The following CCDC57 variants were observed in gnomAD, a reference collection of about 807,000 sequenced individuals.
CCDC57 encodes the protein coiled-coil domain-containing protein 57.
In CCDC57, 118 loss-of-function variants were observed where a neutral mutation model predicts 118.9. That is an observed-to-expected ratio of 0.99 (90% CI 0.86 to 1.16). The LOEUF is 1.16. Ranked by LOEUF, CCDC57 falls within the 50% of genes most tolerant of loss-of-function variation. The pLI, the probability that CCDC57 is intolerant of heterozygous loss-of-function variation, is 0.00. For missense variants in CCDC57, 1,300 were observed against 1,320.7 expected, an observed-to-expected ratio of 0.98 and a Z score of 0.24; for synonymous variants, 527 against 532.9, an observed-to-expected ratio of 0.99 and a Z score of 0.15.
chr17:82,196,610 C>T (rs1419504571), intron 4 of CCDC57, among the ~76,000 whole-genome samples: 2 of 152,330 alleles, frequency 1.3e-5, no homozygotes, highest in Non-Finnish European at 2.9e-5. Context: ...GACCCTGTCA[C>T]ACCTGCACAA....
At chr17:82,167,706 C>T (rs1485085915) in intron 13 of CCDC57, among the ~76,000 whole-genome samples, 6 of 151,980 alleles carry the variant, frequency 3.9e-5, no homozygotes, top group Non-Finnish European at 8.8e-5. Flanking sequence ...GTCTTGAACT[C>T]CTGACCTCAA....
chr17:82,206,082 G>A (rs959053958), intron 2 of CCDC57, among the ~76,000 whole-genome samples: 1 of 152,154 alleles, frequency 6.6e-6, no homozygotes, highest in African/African-American at 2.4e-5. Context: ...TGAAGCTTCC[G>A]GGTTGGGGAG....
At chr17:82,196,950 TCCTGCA>T (rs1290595450) in intron 4 of CCDC57, among the ~76,000 whole-genome samples, 1 of 84,870 alleles carries the variant, frequency 1.2e-5, no homozygotes, top group African/African-American at 4.9e-5. Flanking sequence ...CCCTCGTGAC[TCCTGCA>T]CCTGCAGAGA....
At chr17:82,191,253 C>T (rs1006217873) in intron 7 of CCDC57, among the ~76,000 whole-genome samples, 4 of 151,990 alleles carry the variant, frequency 2.6e-5, no homozygotes, top group East Asian at 1.9e-4. Flanking sequence ...GCTTCCGAAC[C>T]GGCGCCAGAT....
At chr17:82,126,062 A>G (rs1354309987) in intron 19 of CCDC57, among the ~76,000 whole-genome samples, 1 of 152,084 alleles carries the variant, frequency 6.6e-6, no homozygotes, top group Non-Finnish European at 1.5e-5. Context: ...GGGCGGATCA[A>G]CTGAGGTCAG....
chr17:82,183,426 C>A (rs2046448447), intron 9 of CCDC57, among the ~76,000 whole-genome samples: 1 of 152,120 alleles, frequency 6.6e-6, no homozygotes, highest in Non-Finnish European at 1.5e-5. Context: ...TTCCAGCAAT[C>A]CTCCTGCTTC....
intron 19 of CCDC57, among the ~76,000 whole-genome samples, chr17:82,121,443 A>T (rs1352584880): frequency 6.6e-6 from 1 of 152,152 alleles, no homozygotes; most frequent in Non-Finnish European, 1.5e-5. Flanking sequence ...CTCTGTTAAG[A>T]CAGGCGCCTG....
intron 19 of CCDC57, among the ~76,000 whole-genome samples, chr17:82,121,597 G>A (rs2036689660): frequency 6.6e-6 from 1 of 151,620 alleles, no homozygotes; most frequent in South Asian, 2.1e-4. Flanking sequence ...GGCCTTCTCA[G>A]GGGATGGTGG....
Position 82,104,429 on chromosome 17 carries a change from GCCCCTCCCAGGCTTAA to G in CCDC57, c.2900-2579_2900-2564del, listed in dbSNP as rs373684907. Reference sequence around the variant, plus strand: ...AGGGGAGGGGGACTGGGGCCTGCTTGCCCCTCCCAGGCTTAACCCCTCCCAGGTCCTGGTGTGTGCT... The same window carrying G: ...AGGGGAGGGGGACTGGGGCCTGCTTGCCCCTCCCAGGTCCTGGTGTGTGCT... On this transcript the variant is annotated intron_variant, in intron 19 of 19. Transcript: ENST00000665763. Among the ~76,000 whole-genome samples, 702 of 152,346 alleles carry G rather than the reference GCCCCTCCCAGGCTTAA, an allele frequency of 4.6e-3. 4 individuals are homozygous for G. Among genetic ancestry groups the G allele is most frequent in the African/African-American group, 0.016 (661 of 41,578 alleles).
Position 82,159,457 on chromosome 17 carries a change from A to T in CCDC57, c.2041-1509T>A, listed in dbSNP as rs1599022564. On this transcript the variant is annotated intron_variant, in intron 14 of 19. Coordinates refer to ENST00000665763, the Ensembl canonical transcript of CCDC57. Reference sequence around the variant, plus strand: ...CCCCTCACGTGTACATGGATCTTCAACTGCCTCGACAGAAATGGAAAAGTG... The same window carrying T: ...CCCCTCACGTGTACATGGATCTTCATCTGCCTCGACAGAAATGGAAAAGTG... 2.0e-5 allele frequency among the ~76,000 whole-genome samples: 3 copies of T among 152,266 alleles called. No homozygotes were observed. The South Asian group carries it at 6.2e-4, about 32-fold the overall frequency.
intron 8 of CCDC57, 99 bp from the exon 8 acceptor site, chr17:82,184,031 G>GCGCGCGCGCGCGCGCGCACACACACACA: frequency 7.9e-6 from 1 of 125,852 alleles, no homozygotes; most frequent in African/African-American, 4.3e-5. Context: ...GCGCGCGCGC[G>GCGCGCGCGCGCGCGCGCACACACACACA]CACACACACA....
In CCDC57 at chr17:82,201,759, C is replaced by CTGAAGGTTGTG; in HGVS notation, c.185_186insCACAACCTTCA (p.Gln62HisfsTer35). Reference sequence around the variant, plus strand: ...GCTCGAGGTCCCGCTCCTCCAGCACCTGAAGGTTGTAGACAAAGTCCTCCT... The same window carrying CTGAAGGTTGTG: ...GCTCGAGGTCCCGCTCCTCCAGCACCTGAAGGTTGTGTGAAGGTTGTAGACAAAGTCCTCCT... On this transcript the variant is annotated frameshift_variant, in exon 3 of 20. Transcript: ENST00000665763. LOFTEE classifies it high-confidence loss of function. The CTGAAGGTTGTG allele has an allele frequency of 6.2e-7, 1 of 1,613,872 alleles. No individual in the cohort carries two copies. The highest frequency in any genetic ancestry group is 1.1e-5 in the South Asian group (1 of 91,088).
chr17:82,128,036 C>T (rs1370618396), intron 18 of CCDC57, 128 bp from the exon 18 acceptor site: 1 of 1,351,688 alleles, frequency 7.4e-7, no homozygotes, highest in Non-Finnish European at 9.9e-7. Context: ...CAGGCAGATG[C>T]TCCCAGGATC....
chr17:82,114,132 C>T (rs189097325), intron 19 of CCDC57, among the ~76,000 whole-genome samples: 44 of 152,290 alleles, frequency 2.9e-4, no homozygotes, highest in Admixed American at 1.7e-3. Context: ...TGGACTGTAA[C>T]GTTCCCTGCG....
At chr17:82,116,175 A>C (rs1298130752) in intron 19 of CCDC57, among the ~76,000 whole-genome samples, 2 of 150,732 alleles carry the variant, frequency 1.3e-5, no homozygotes, top group East Asian at 1.9e-4. Flanking sequence ...CAAAAGAACA[A>C]ATTTTTTAAA....
At chr17:82,107,446 G>T (rs2034935528) in intron 19 of CCDC57, 1 of 469,862 alleles carries the variant, frequency 2.1e-6, no homozygotes. Flanking sequence ...CTGCGCCTCC[G>T]TTTGACTCCA....
chr17:82,211,855 G>A (rs989344664), intron 1 of CCDC57, among the ~76,000 whole-genome samples: 6 of 152,222 alleles, frequency 3.9e-5, no homozygotes, highest in African/African-American at 1.4e-4. Context: ...TCCTGGGAAC[G>A]CGCTCGGTTG....
chr17:82,171,029 ACACCAAAACAGGGAGCG>A (rs1197193880), intron 13 of CCDC57, among the ~76,000 whole-genome samples: 1 of 152,162 alleles, frequency 6.6e-6, no homozygotes, highest in Non-Finnish European at 1.5e-5. Flanking sequence ...AATTCCATTC[ACACCAAAACAGGGAGCG>A]CTGACTGCAG....
chr17:82,157,351 C>T (rs536510948), intron 15 of CCDC57: 28 of 811,156 alleles, frequency 3.5e-5, no homozygotes, highest in African/African-American at 2.2e-4. Flanking sequence ...GAGGGCCCAA[C>T]GCTAGGCATG....
Sources: gnomAD v4.1 joint callset for allele counts (sites outside exome capture counted in the v4.1 genomes callset) on GRCh38, gnomAD v4.1.1 for gene constraint, MANE v1.5 for transcripts, NCBI Gene and HGNC (gene_info 2026-07-23, HGNC 2026-07-21) for gene names.